The following BCL2L13 variants were observed in gnomAD, a reference collection of about 807,000 sequenced individuals.
BCL2L13 encodes BCL2 like 13.
A neutral mutation model predicts 25.8 loss-of-function variants in BCL2L13; 13 were observed. That is an observed-to-expected ratio of 0.50 (90% CI 0.33 to 0.80). The LOEUF is 0.80. Among genes scored for constraint, BCL2L13 ranks in the 30% least tolerant of loss-of-function variants. BCL2L13 has a pLI of 0.02. For missense variants in BCL2L13, 504 were observed against 574.9 expected (o/e 0.88, Z 1.26); for synonymous variants, 244 against 230.3 (o/e 1.06, Z -0.54).
chr22:17,708,837 T>C (rs1301170898), intron 6 of BCL2L13, among the ~76,000 whole-genome samples: 2 of 152,220 alleles, frequency 1.3e-5, no homozygotes, highest in East Asian at 3.8e-4. Context: ...CCGAGGCTAC[T>C]TGTAGATATT....
intron 1 of BCL2L13, among the ~76,000 whole-genome samples, chr22:17,639,347 C>T (rs1002328479): frequency 2.0e-5 from 3 of 152,230 alleles, no homozygotes; most frequent in African/African-American, 7.2e-5. Flanking sequence ...TGTTAGAAGT[C>T]TTGTTTCTTA....
In BCL2L13 at chr22:17,638,865, C is replaced by G; in HGVS notation, c.-72C>G. On this transcript the variant is annotated 5_prime_UTR_variant, in exon 1 of 7. Coordinates refer to ENST00000317582, the MANE Select transcript of BCL2L13 (RefSeq NM_015367.4). ...GCCGCCGCCGCCTCTTTCATCTCTT[C>G]TGGGGCAGGGGCCAGGGCCAGGTGA... is the stretch of plus-strand genomic sequence containing the variant. 1.6e-6 allele frequency: 2 copies of G among 1,232,706 alleles called. No individual in the cohort carries two copies. The highest frequency in any genetic ancestry group is 1.5e-5 in the African/African-American group (1 of 64,576). The allele number at this position is 1,232,706 out of a possible 1,614,324, so 76.4% of individuals were successfully genotyped here. A position where few individuals can be genotyped will look rare whatever the true frequency, so the allele number is the denominator to read the frequency against.
Position 17,689,094 on chromosome 22 carries a change from A to G in BCL2L13, c.338A>G (p.Gln113Arg), listed in dbSNP as rs775310016. The change falls in exon 4 of 7, where the codon CAG (glutamine) becomes CGG (arginine). Residue 113 changes from glutamine to arginine, a missense_variant. Transcript: ENST00000317582. ...CLAHLGEKVS[Q>R]ELKEPLHKAL... ...GCCCATCTTGGAGAAAAAGTGTCCC[A>G]GGAACTGAAAGAGCCTCTCCATAAA... 6.2e-6 allele frequency: 10 copies of G among 1,614,056 alleles called. 1 individual carries two copies. The highest frequency in any genetic ancestry group is 3.3e-4 in the Middle Eastern group (2 of 6,084).
At chr22:17,645,222 AG>A (rs1251845621) in intron 1 of BCL2L13, among the ~76,000 whole-genome samples, 1 of 130,866 alleles carries the variant, frequency 7.6e-6, no homozygotes, top group Non-Finnish European at 1.5e-5. Flanking sequence ...AACTAATAGT[AG>A]GATTTTTTTT....
At chr22:17,694,826 A>G (rs1018485230) in intron 4 of BCL2L13, among the ~76,000 whole-genome samples, 1 of 152,212 alleles carries the variant, frequency 6.6e-6, no homozygotes, top group Non-Finnish European at 1.5e-5. Context: ...GGTGGTGGGG[A>G]AAATGTGTGT....
intron 3 of BCL2L13, among the ~76,000 whole-genome samples, chr22:17,685,305 A>C (rs1383700938): frequency 6.6e-6 from 1 of 152,060 alleles, no homozygotes; most frequent in Admixed American, 6.6e-5. Flanking sequence ...GGCTCACTGC[A>C]ACCTCCGACT....
intron 2 of BCL2L13, among the ~76,000 whole-genome samples, chr22:17,662,301 A>G (rs957281915): frequency 6.6e-6 from 1 of 151,984 alleles, no homozygotes; most frequent in African/African-American, 2.4e-5. Context: ...ACACAGTGAA[A>G]CCTCGTCTCT....
intron 2 of BCL2L13, among the ~76,000 whole-genome samples, chr22:17,666,298 CAAAT>C (rs1385112304): frequency 2.0e-5 from 3 of 151,742 alleles, no homozygotes; most frequent in South Asian, 2.1e-4. Context: ...CATGCAATGA[CAAAT>C]AAACACATCA....
chr22:17,687,568 G>A (rs1049138897), intron 3 of BCL2L13, among the ~76,000 whole-genome samples: 2 of 152,010 alleles, frequency 1.3e-5, no homozygotes, highest in South Asian at 2.1e-4. Flanking sequence ...CCAGGCTGGA[G>A]TGCAGTGTCG....
intron 6 of BCL2L13, among the ~76,000 whole-genome samples, chr22:17,704,578 C>T (rs910319812): frequency 4.0e-5 from 6 of 151,708 alleles, no homozygotes; most frequent in Non-Finnish European, 7.4e-5. Context: ...GAGTTTGAGA[C>T]CATCCTGGCC....
At chr22:17,672,923 A>C (rs1042631291) in intron 2 of BCL2L13, among the ~76,000 whole-genome samples, 75 of 152,304 alleles carry the variant, frequency 4.9e-4, no homozygotes, top group African/African-American at 1.6e-3. Context: ...TTTTCCAAAA[A>C]GGGGCAGATG....
chr22:17,720,352 AT>A (rs1056990981), intron 6 of BCL2L13, among the ~76,000 whole-genome samples: 4 of 151,354 alleles, frequency 2.6e-5, no homozygotes, highest in South Asian at 2.1e-4. Context: ...AATTTTTTAA[AT>A]TTTTTAATTT....
intron 4 of BCL2L13, among the ~76,000 whole-genome samples, chr22:17,691,127 A>T (rs1471085133): frequency 1.3e-5 from 2 of 152,060 alleles, no homozygotes; most frequent in African/African-American, 2.4e-5. Context: ...CAGCCTCCCC[A>T]AAGTGCTAAG....
intron 2 of BCL2L13, among the ~76,000 whole-genome samples, chr22:17,663,735 G>C (rs2059146210): frequency 7.0e-6 from 1 of 142,814 alleles, no homozygotes; most frequent in Non-Finnish European, 1.5e-5. Context: ...CCAGGCTGGA[G>C]TGGTGCAGTG....
intron 2 of BCL2L13, among the ~76,000 whole-genome samples, chr22:17,672,031 T>A (rs1481374689): frequency 6.6e-6 from 1 of 152,206 alleles, no homozygotes; most frequent in Non-Finnish European, 1.5e-5. Flanking sequence ...GGTTTCTTAA[T>A]TGCTGGTCCA....
intron 6 of BCL2L13, among the ~76,000 whole-genome samples, chr22:17,726,185 T>C (rs891657402): frequency 5.9e-5 from 9 of 152,112 alleles, no homozygotes; most frequent in Non-Finnish European, 1.2e-4. Context: ...ACCCCATCTC[T>C]ACTAACAATA....
At chr22:17,694,663 CA>C (rs1245306261) in intron 4 of BCL2L13, among the ~76,000 whole-genome samples, 3 of 152,022 alleles carry the variant, frequency 2.0e-5, no homozygotes, top group Non-Finnish European at 4.4e-5. Context: ...ATACTTTCAG[CA>C]CACTGGCTAC....
chr22:17,722,411 G>GT (rs2061171675), intron 6 of BCL2L13, among the ~76,000 whole-genome samples: 1 of 151,580 alleles, frequency 6.6e-6, no homozygotes, highest in Admixed American at 6.6e-5. Context: ...GTGTGTGTGT[G>GT]TGTGTGTGTA....
intron 2 of BCL2L13, among the ~76,000 whole-genome samples, chr22:17,679,686 G>A (rs568307838): frequency 2.0e-5 from 3 of 152,194 alleles, no homozygotes; most frequent in East Asian, 3.9e-4. Flanking sequence ...TGTAGGGAGA[G>A]CTTGAGCTTT....
Sources: gnomAD v4.1 joint callset for allele counts (sites outside exome capture counted in the v4.1 genomes callset) on GRCh38, gnomAD v4.1.1 for gene constraint, MANE v1.5 for transcripts, NCBI Gene and HGNC (gene_info 2026-07-23, HGNC 2026-07-21) for gene names.